The following LPL variants were observed in gnomAD, a reference collection of about 807,000 sequenced individuals.
LPL encodes lipoprotein lipase.
A neutral mutation model predicts 52.2 loss-of-function variants in LPL; 43 were observed. That is an observed-to-expected ratio of 0.82 (90% CI 0.64 to 1.06). The LOEUF is 1.06. Among genes scored for constraint, LPL ranks in the 50% least tolerant of loss-of-function variants. LPL has a pLI of 0.00. For synonymous variants in LPL, 244 were observed against 215.6 expected, an observed-to-expected ratio of 1.13 and a Z score of -1.15; for missense variants, 639 against 585.3, an observed-to-expected ratio of 1.09 and a Z score of -0.95.
chr8:19,950,906 G>C lies in LPL; in HGVS notation c.250-863G>C, dbSNP rs1322491453. Among the ~76,000 whole-genome samples, 1 of 149,630 alleles carries C rather than the reference G, an allele frequency of 6.7e-6. No homozygotes were observed. Among genetic ancestry groups the C allele is most frequent in the East Asian group, 2.0e-4 (1 of 5,086 alleles). On this transcript the variant is annotated intron_variant, in intron 2 of 9. Transcript: ENST00000650287. This position sits in a 1 kb window ranked among gnomAD's most constrained non-coding sequence, Gnocchi z 4.2. ...GGAAGGAAGGAAGGAATGAAGGAAG[G>C]AAGGAAGGAATGAAGGAAGGAAGGA... is the stretch of plus-strand genomic sequence containing the variant.
chr8:19,954,082 A>C, intron 4 of LPL, 38 bp from the exon 5 acceptor site: 1 of 1,468,258 alleles, frequency 6.8e-7, no homozygotes, highest in South Asian at 1.1e-5. Context: ...ACGAATGGAA[A>C]TTTACAAATC....
At chr8:19,958,282 A>G (rs939304295) in intron 6 of LPL, among the ~76,000 whole-genome samples, 5 of 152,088 alleles carry the variant, frequency 3.3e-5, no homozygotes, top group Non-Finnish European at 7.4e-5. Context: ...AAGGCCTCCC[A>G]AAGTGCTGGG....
intron 1 of LPL, among the ~76,000 whole-genome samples, chr8:19,940,735 AT>A (rs1054613880): frequency 2.6e-4 from 39 of 152,208 alleles, no homozygotes; most frequent in African/African-American, 9.4e-4. Flanking sequence ...CATAGCTTTG[AT>A]GGCCGCTAAA....
Position 19,962,191 on chromosome 8 carries a change from G to A in LPL, c.1399G>A (p.Asp467Asn). The A allele has an allele frequency of 6.2e-7, 1 of 1,613,748 alleles. No homozygotes were observed. ...ACCTGCGGTATTTGTGAAATGCCAT[G>A]ACAAGTCTCTGAATAAGAAGTCAGG... ...KAPAVFVKCHDKSLNKKSG is the reference protein window; with the variant it reads ...KAPAVFVKCHNKSLNKKSG Residue 467 changes from aspartate to asparagine, a missense_variant, in exon 9 of 10, where the codon GAC becomes AAC. By Grantham distance (23) the Asp-to-Asn change is conservative. Coordinates refer to ENST00000650287, the MANE Select transcript of LPL (RefSeq NM_000237.3).
At chr8:19,953,506 AC>A in intron 4 of LPL, 85 bp downstream of exon 4, 1 of 953,772 alleles carries the variant, frequency 1.0e-6, no homozygotes, top group Non-Finnish European at 1.7e-6. Context: ...TTTGTTAAAT[AC>A]CCACATGTGT....
At position 19,953,388 on chromosome 8, in the gene LPL, A is replaced by T. The variant is rs763598285; in HGVS notation, c.508A>T (p.Ser170Cys). ...AGCCCATGCTGCTGGCATTGCAGGAAGTCTGACCAATAAGAAAGTCAACAG... is the reference window on the plus strand; with the variant it reads ...AGCCCATGCTGCTGGCATTGCAGGATGTCTGACCAATAAGAAAGTCAACAG... ...LGAHAAGIAGSLTNKKVNRIT... is the reference protein window; with the variant it reads ...LGAHAAGIAGCLTNKKVNRIT... Residue 170 changes from serine to cysteine, a missense_variant, in exon 4 of 10, where the codon AGT (serine) becomes TGT (cysteine). By Grantham distance (112) the Ser-to-Cys change is moderately radical. Coordinates refer to ENST00000650287, the MANE Select transcript of LPL (RefSeq NM_000237.3). 1 of 1,613,982 alleles carries T rather than the reference A, an allele frequency of 6.2e-7. No homozygotes were observed. Among genetic ancestry groups the T allele is most frequent in the South Asian group, 1.1e-5 (1 of 91,082 alleles).
chr8:19,956,154 A>C, intron 6 of LPL, 71 bp downstream of exon 6: 3 of 1,597,636 alleles, frequency 1.9e-6, no homozygotes, highest in Non-Finnish European at 2.6e-6. Context: ...CATCACATGT[A>C]CTGATTCTGT....
chr8:19,942,706 C>A (rs1250310335), intron 1 of LPL, among the ~76,000 whole-genome samples: 2 of 152,154 alleles, frequency 1.3e-5, no homozygotes, highest in Non-Finnish European at 2.9e-5. Flanking sequence ...TACTCAGAGG[C>A]TAAGAGTTTG....
At chr8:19,948,413 G>A in intron 2 of LPL, 73 bp downstream of exon 2, 1 of 1,571,682 alleles carries the variant, frequency 6.4e-7, no homozygotes, top group Non-Finnish European at 8.7e-7. Flanking sequence ...AATTGTTGGG[G>A]ACCCAGTGAT....
chr8:19,952,549 T>C (rs557610883), intron 3 of LPL, among the ~76,000 whole-genome samples: 1 of 152,224 alleles, frequency 6.6e-6, no homozygotes, highest in Non-Finnish European at 1.5e-5. Flanking sequence ...TATCTTGGGG[T>C]TGGAAAGAAG....
intron 1 of LPL, among the ~76,000 whole-genome samples, chr8:19,946,307 C>T (rs895045957): frequency 6.6e-6 from 1 of 152,194 alleles, no homozygotes; most frequent in Non-Finnish European, 1.5e-5. Flanking sequence ...TAAGAAATTT[C>T]TCCTACATTT....
Position 19,954,322 on chromosome 8 carries a change from T to C in LPL, c.744T>C (p.Ala248=), listed in dbSNP as rs757675785. The change falls in exon 5 of 10, where the codon GCT becomes GCC. Residue 248 remains alanine (A), a synonymous_variant. Transcript: ENST00000650287. Reference sequence around the variant, plus strand: ...AGCCAGGATGTAACATTGGAGAAGCTATCCGCGTGATTGCAGAGAGAGGAC... The same window carrying C: ...AGCCAGGATGTAACATTGGAGAAGCCATCCGCGTGATTGCAGAGAGAGGAC... The part of the protein sequence containing the change: ...TFQPGCNIGE[A]IRVIAERGLG... 1 of 1,614,168 alleles carries C rather than the reference T, an allele frequency of 6.2e-7. No individual in the cohort carries two copies. The highest frequency in any genetic ancestry group is 1.3e-5 in the African/African-American group (1 of 75,052).
intron 4 of LPL, among the ~76,000 whole-genome samples, 175 bp from the exon 5 acceptor site, chr8:19,953,945 T>C (rs2069959728): frequency 6.6e-6 from 1 of 152,232 alleles, no homozygotes; most frequent in African/African-American, 2.4e-5. Flanking sequence ...AAATTCATTT[T>C]AGAAGGAGCC....
intron 6 of LPL, among the ~76,000 whole-genome samples, chr8:19,958,245 C>T (rs2070005009): frequency 6.6e-6 from 1 of 152,144 alleles, no homozygotes; most frequent in Non-Finnish European, 1.5e-5. Context: ...TAGTCTCAAA[C>T]TCCTGACCTC....
chr8:19,942,392 T>C (rs1053366464), intron 1 of LPL, among the ~76,000 whole-genome samples: 17 of 152,192 alleles, frequency 1.1e-4, no homozygotes, highest in Admixed American at 2.6e-4. Flanking sequence ...GTAAGGAAAG[T>C]ATTCAAGACA....
At position 19,939,299 on chromosome 8, in the gene LPL, C is replaced by A; in HGVS notation, c.-142C>A. 1 of 694,854 alleles carries A rather than the reference C, an allele frequency of 1.4e-6. No individual in the cohort carries two copies. The highest frequency in any genetic ancestry group is 1.7e-5 in the South Asian group (1 of 59,190). The allele number at this position is 694,854 out of a possible 1,614,324, so 43.0% of individuals were successfully genotyped here. A position where few individuals can be genotyped will look rare whatever the true frequency, so the allele number is the denominator to read the frequency against. On this transcript the variant is annotated 5_prime_UTR_variant, in exon 1 of 10. Transcript: ENST00000650287. The surrounding 1 kb of genome is among the most constrained non-coding windows in gnomAD (Gnocchi z 4.0). ...TCCTCCTCCTCAAGGGAAAGCTGCC[C>A]ACTTCTAGCTGCCCTGCCATCCCCT... is the stretch of plus-strand genomic sequence containing the variant.
intron 2 of LPL, among the ~76,000 whole-genome samples, chr8:19,949,772 T>C (rs561967633): frequency 8.5e-5 from 13 of 152,224 alleles, no homozygotes; most frequent in Non-Finnish European, 1.9e-4. Flanking sequence ...CGAGAGCCAC[T>C]GCATCTGGCC....
intron 5 of LPL, 123 bp from the exon 6 acceptor site, chr8:19,955,718 C>T: frequency 7.9e-7 from 1 of 1,269,860 alleles, no homozygotes; most frequent in African/African-American, 1.5e-5. Context: ...CATAAATGCA[C>T]AGGACTATAT....
intron 2 of LPL, 182 bp downstream of exon 2, chr8:19,948,522 C>T: frequency 1.5e-6 from 1 of 661,958 alleles, no homozygotes; most frequent in Non-Finnish European, 2.5e-6. Context: ...GAGAACTCCC[C>T]CTAGGCAGTG....
Sources: gnomAD v4.1 joint callset for allele counts (sites outside exome capture counted in the v4.1 genomes callset) on GRCh38, gnomAD v4.1.1 for gene constraint, Gnocchi (gnomAD v3.1) non-coding constraint, MANE v1.5 for transcripts, NCBI Gene and HGNC (gene_info 2026-07-23, HGNC 2026-07-21) for gene names.